The following RARS2 variants were observed in gnomAD, a reference collection of about 807,000 sequenced individuals.
RARS2 encodes probable arginine--tRNA ligase, mitochondrial.
In RARS2, 67 loss-of-function variants were observed where a neutral mutation model predicts 88.5. The ratio of observed to expected loss-of-function variants is 0.76; its 90% CI spans 0.62 to 0.93. RARS2 has a LOEUF of 0.93. RARS2 is among the 40% of genes least tolerant of loss of function. RARS2 has a pLI of 0.00. For synonymous variants in RARS2, 239 were observed against 230.3 expected (o/e 1.04, Z -0.34); for missense variants, 664 against 684.2 (o/e 0.97, Z 0.33).
At chr6:87,519,823 T>C in intron 13 of RARS2, 116 bp from the exon 14 acceptor site, 1 of 1,239,630 alleles carries the variant, frequency 8.1e-7, no homozygotes, top group African/African-American at 1.5e-5. Context: ...TTTTTAAAAA[T>C]TAATAAAATG....
At position 87,522,107 on chromosome 6, in the gene RARS2, G is replaced by A. The variant is rs930988449; in HGVS notation, c.975-583C>T. Among the ~76,000 whole-genome samples the A allele has an allele frequency of 1.4e-4, 22 of 152,134 alleles. No homozygotes were observed. In the East Asian group the frequency reaches 3.1e-3, roughly 21 times the overall value. On this transcript the variant is annotated intron_variant, in intron 11 of 19. Transcript: ENST00000369536. Reference sequence around the variant, plus strand: ...AGCACTTTGGGAGGCTAAGGCGGGAGGTTCACGAGGTCAGGAGTTTGAGAC... The same window carrying A: ...AGCACTTTGGGAGGCTAAGGCGGGAAGTTCACGAGGTCAGGAGTTTGAGAC...
chr6:87,546,428 G>C (rs1398331702), intron 6 of RARS2, among the ~76,000 whole-genome samples: 1 of 151,918 alleles, frequency 6.6e-6, no homozygotes, highest in East Asian at 1.9e-4. Context: ...GTGTTTTTTT[G>C]TGACACCATG....
At chr6:87,522,042 T>TA (rs1276687314) in intron 11 of RARS2, among the ~76,000 whole-genome samples, 4 of 152,178 alleles carry the variant, frequency 2.6e-5, no homozygotes, top group African/African-American at 4.8e-5. Flanking sequence ...TAAAAGACCA[T>TA]AAAGTCGGCC....
intron 1 of RARS2, among the ~76,000 whole-genome samples, chr6:87,575,796 C>T (rs1771285588): frequency 1.3e-5 from 2 of 152,038 alleles, no homozygotes; most frequent in Admixed American, 6.5e-5. Flanking sequence ...AAGAACTAGA[C>T]CTCCATGCAT....
chr6:87,537,140 T>C (rs757956387), intron 8 of RARS2, among the ~76,000 whole-genome samples: 3 of 152,278 alleles, frequency 2.0e-5, no homozygotes, highest in Non-Finnish European at 2.9e-5. Context: ...TAGTTCAATT[T>C]AGAGGAAGGC....
chr6:87,518,442 C>T, intron 16 of RARS2, 178 bp from the exon 17 acceptor site: 2 of 1,382,302 alleles, frequency 1.4e-6, no homozygotes, highest in Non-Finnish European at 1.9e-6. Context: ...AGATAATACA[C>T]ATAAATGTAT....
chr6:87,532,250 G>T (rs1007188961), intron 8 of RARS2, among the ~76,000 whole-genome samples: 7 of 152,058 alleles, frequency 4.6e-5, no homozygotes, highest in Non-Finnish European at 2.9e-5. Flanking sequence ...TAACTAGCAG[G>T]TCTGATACTG....
chr6:87,569,559 T>C lies in RARS2; in HGVS notation c.68A>G (p.Asn23Ser), dbSNP rs1768967419. 6.2e-7 allele frequency: 1 copy of C among 1,607,434 alleles called. No homozygotes were observed. Among genetic ancestry groups the C allele is most frequent in the African/African-American group, 1.3e-5 (1 of 74,720 alleles). Reference protein sequence around the residue: ...LSRVLNLPPENLITSISAVPI... With the variant: ...LSRVLNLPPESLITSISAVPI... ...AACTGCAGATATTGATGTGATCAAG[T>C]TTTCTGGTGGAAGATTCAACACTCT... The change falls in exon 2 of 20, where the codon AAC becomes AGC. Residue 23 changes from asparagine to serine, a missense_variant. By Grantham distance (46) the Asn-to-Ser change is conservative. Transcript: ENST00000369536.
intron 5 of RARS2, 41 bp downstream of exon 5, chr6:87,555,367 T>C (rs1562187577): frequency 6.7e-7 from 1 of 1,488,042 alleles, no homozygotes; most frequent in East Asian, 2.3e-5. Flanking sequence ...CTCTGCCCAG[T>C]CAACTTGATT....
chr6:87,514,409 G>A lies in RARS2; in HGVS notation c.*4C>T. 6.3e-7 allele frequency: 1 copy of A among 1,587,326 alleles called. No individual in the cohort carries two copies. Among genetic ancestry groups the A allele is most frequent in the Non-Finnish European group, 8.7e-7 (1 of 1,155,888 alleles). ...TGACATTTTAAAAGCCATTTTAATG[G>A]AAATTACATCCTACATACAGGTGTT... On this transcript the variant is annotated 3_prime_UTR_variant, in exon 20 of 20. Coordinates refer to ENST00000369536, the MANE Select transcript of RARS2 (RefSeq NM_020320.5).
At chr6:87,583,455 G>A (rs780988360) in intron 1 of RARS2, among the ~76,000 whole-genome samples, 3 of 152,088 alleles carry the variant, frequency 2.0e-5, no homozygotes, top group Non-Finnish European at 2.9e-5. Flanking sequence ...TGGGTGTGGT[G>A]GCATATACCT....
intron 4 of RARS2, among the ~76,000 whole-genome samples, chr6:87,560,472 A>AAG: frequency 6.6e-6 from 1 of 152,306 alleles, no homozygotes; most frequent in East Asian, 1.9e-4. Context: ...TGACAGGTAG[A>AAG]AGTTTGGTAC....
rs774044535 is a variant in RARS2 at position 87,529,535 on chromosome 6, A to T, written c.878+7T>A. 2.0e-6 allele frequency: 3 copies of T among 1,485,694 alleles called. No homozygotes were observed. Among genetic ancestry groups the T allele is most frequent in the Non-Finnish European group, 2.8e-6 (3 of 1,063,528 alleles). 92.0% of individuals were successfully genotyped at this position (1,485,694 alleles called of 1,614,324 possible). A position where few individuals can be genotyped will look rare whatever the true frequency, so the allele number is the denominator to read the frequency against. ...AATTTTACTGAAGAATAGTAACCTGATCATACATTGTTTTCAGTAGGAGTC... is the reference window on the plus strand; with the variant it reads ...AATTTTACTGAAGAATAGTAACCTGTTCATACATTGTTTTCAGTAGGAGTC... On this transcript the variant is annotated splice_region_variant and intron_variant, in intron 10 of 19. Coordinates refer to ENST00000369536, the MANE Select transcript of RARS2 (RefSeq NM_020320.5).
chr6:87,588,221 C>T (rs76420101), intron 1 of RARS2, among the ~76,000 whole-genome samples: 1,721 of 152,242 alleles, frequency 0.011, 30 homozygotes, highest in African/African-American at 0.039. Context: ...AACTACCTTC[C>T]CTGATATGGT....
intron 1 of RARS2, among the ~76,000 whole-genome samples, chr6:87,575,283 G>T (rs1308984743): frequency 1.8e-5 from 2 of 109,444 alleles, no homozygotes; most frequent in Non-Finnish European, 3.9e-5. Context: ...ACACACCTTG[G>T]CTTCTTCAAA....
At chr6:87,585,913 C>A (rs1365311051) in intron 1 of RARS2, among the ~76,000 whole-genome samples, 1 of 152,072 alleles carries the variant, frequency 6.6e-6, no homozygotes, top group Non-Finnish European at 1.5e-5. Context: ...AAGGAATAAT[C>A]TACGCAATGG....
At chr6:87,521,013 C>T (rs1288839711) in intron 12 of RARS2, among the ~76,000 whole-genome samples, 3 of 152,104 alleles carry the variant, frequency 2.0e-5, no homozygotes, top group East Asian at 3.9e-4. Context: ...TAAAAGCTGG[C>T]GAAATTTCAG....
At chr6:87,588,583 C>T (rs1775903632) in intron 1 of RARS2, among the ~76,000 whole-genome samples, 1 of 152,098 alleles carries the variant, frequency 6.6e-6, no homozygotes, top group South Asian at 2.1e-4. Context: ...CTATGTTGTC[C>T]ACGCTGGTCT....
At chr6:87,538,828 G>A (rs1322186932) in intron 8 of RARS2, among the ~76,000 whole-genome samples, 2 of 152,124 alleles carry the variant, frequency 1.3e-5, no homozygotes. Context: ...GAGCCCAAGA[G>A]TTTGAGACCA....
Sources: allele counts gnomAD v4.1 joint callset (sites outside exome capture counted in the v4.1 genomes callset), GRCh38; gene constraint gnomAD v4.1.1; transcripts MANE v1.5; gene names NCBI Gene and HGNC (gene_info 2026-07-23, HGNC 2026-07-21).